The following ZSWIM8 variants were observed in gnomAD, a reference collection of about 807,000 sequenced individuals.
ZSWIM8 encodes the protein zinc finger SWIM domain-containing protein 8.
Under a neutral mutation model 173.7 loss-of-function variants are expected in ZSWIM8, and 27 were observed. That is an observed-to-expected ratio of 0.16 (90% CI 0.11 to 0.21). The LOEUF (loss-of-function observed/expected upper bound fraction) is 0.21, where lower values mean the gene tolerates loss of function less well. Ranked by LOEUF, ZSWIM8 falls within the 10% of genes least tolerant of loss-of-function variation. The pLI, the probability that ZSWIM8 is intolerant of heterozygous loss-of-function variation, is 1.00. For missense variants in ZSWIM8, 1,627 were observed against 2,428.8 expected, an observed-to-expected ratio of 0.67 and a Z score of 6.94; for synonymous variants, 958 against 962.0, an observed-to-expected ratio of 1.00 and a Z score of 0.08.
At position 73,800,700 on chromosome 10, in the gene ZSWIM8, C is replaced by G. The variant is rs774026361; in HGVS notation, c.5063C>G (p.Ser1688Cys). The change falls in exon 24 of 26, where the codon TCC becomes TGC. Residue 1688 changes from serine (S) to cysteine (C), a missense_variant. Coordinates refer to ENST00000604729, the MANE Select transcript of ZSWIM8 (RefSeq NM_001367799.1). This position sits in a 1 kb window ranked among gnomAD's most constrained non-coding sequence, Gnocchi z 4.1. ...CACAACGATCACCCCAACAACTTCT[C>G]CCGCTCCCCCCCCTACACTGATGAT... ...RAHNDHPNNF[S>C]RSPPYTDDVK... The G allele has an allele frequency of 4.3e-6, 7 of 1,613,700 alleles. No homozygotes were observed. Among genetic ancestry groups the G allele is most frequent in the African/African-American group, 1.3e-5 (1 of 74,872 alleles).
At chr10:73,793,483 G>A in intron 10 of ZSWIM8, 105 bp from the exon 11 acceptor site, 3 of 1,332,598 alleles carry the variant, frequency 2.3e-6, no homozygotes, top group South Asian at 1.5e-5. Context: ...CACAGGGCCT[G>A]GCATGTAGCA....
Position 73,792,666 on chromosome 10 carries a change from C to A in ZSWIM8, c.2127C>A (p.Gly709=). Residue 709 remains glycine, a synonymous_variant, in exon 10 of 26, where the codon GGC becomes GGA. Transcript: ENST00000604729. This position sits in a 1 kb window ranked among gnomAD's most constrained non-coding sequence, Gnocchi z 4.3. ...QDDLPSTDES[G]NGLPKTKEAA... ...ACCTCCCTTCTACAGATGAGAGTGG[C>A]AATGGGCTTCCCAAAACCAAAGAGG... 6.2e-7 allele frequency: 1 copy of A among 1,614,012 alleles called. No homozygotes were observed. The highest frequency in any genetic ancestry group is 1.1e-5 in the South Asian group (1 of 91,086).
At position 73,791,146 on chromosome 10, in the gene ZSWIM8, C is replaced by T; in HGVS notation, c.1113C>T (p.Ile371=). Residue 371 remains isoleucine (I), a synonymous_variant, in exon 8 of 26, where the codon ATC becomes ATT. Transcript: ENST00000604729. The surrounding 1 kb of genome is among the most constrained non-coding windows in gnomAD (Gnocchi z 6.0). ...GCAATGCTGCCCCCTTGTTGGAAAT[C>T]CTCACTGACCAGTGCCTCACCTATG... ...RDSNAAPLLE[I]LTDQCLTYEQ... 6.2e-7 allele frequency: 1 copy of T among 1,612,232 alleles called. No homozygotes were observed. The highest frequency in any genetic ancestry group is 2.2e-5 in the East Asian group (1 of 44,838).
At chr10:73,793,747 C>T (rs369056165) in intron 11 of ZSWIM8, 28 bp downstream of exon 11, 59 of 1,585,352 alleles carry the variant, frequency 3.7e-5, no homozygotes, top group African/African-American at 6.7e-5. Flanking sequence ...TCTACCTTCC[C>T]CTCCCCCACT....
At position 73,801,572 on chromosome 10, in the gene ZSWIM8, C is replaced by A. The variant is rs1329429787; in HGVS notation, c.*53C>A. On this transcript the variant is annotated 3_prime_UTR_variant, in exon 26 of 26. Transcript: ENST00000604729. This position sits in a 1 kb window ranked among gnomAD's most constrained non-coding sequence, Gnocchi z 4.9. ...GGACCCAGGCCTGTGGCTATGGGGG[C>A]CCCTCACACAGGGGGAGTGAAACTT... 82 of 1,593,816 alleles carry A rather than the reference C, an allele frequency of 5.1e-5. No homozygotes were observed. The highest frequency in any genetic ancestry group is 6.9e-5 in the Non-Finnish European group (81 of 1,172,190).
At position 73,793,695 on chromosome 10, in the gene ZSWIM8, C is replaced by G. The variant is rs185350783; in HGVS notation, c.2421C>G (p.Leu807=). The change falls in exon 11 of 26, where the codon CTC becomes CTG. Residue 807 remains leucine (L), a synonymous_variant. Coordinates refer to ENST00000604729, the MANE Select transcript of ZSWIM8 (RefSeq NM_001367799.1). ...AQDLLANPPD[L]KVEPPPAKGK... is the part of the protein sequence containing the mutation. ...ATCTGCTAGCCAACCCACCCGACCT[C>G]AAGGTAGAGCCGCCCCCTGCCAAGG... The G allele has an allele frequency of 6.8e-5, 109 of 1,612,928 alleles. 1 individual carries two copies. The African/African-American group carries it at 9.7e-4, about 14-fold the overall frequency.
At chr10:73,788,524 G>C in intron 1 of ZSWIM8, 146 bp from the exon 2 acceptor site, 1 of 987,646 alleles carries the variant, frequency 1.0e-6, no homozygotes, top group Non-Finnish European at 1.5e-6. Context: ...CCTGATAGGG[G>C]GATCCCTAGG....
intron 7 of ZSWIM8, 99 bp from the exon 8 acceptor site, chr10:73,790,875 CT>C: frequency 8.3e-7 from 1 of 1,207,618 alleles, no homozygotes; most frequent in Non-Finnish European, 1.2e-6. Flanking sequence ...TTACAGATGT[CT>C]TTTTCCCTCT....
chr10:73,799,911 TC>T (rs1481653161), intron 21 of ZSWIM8, 99 bp from the exon 22 acceptor site: 57 of 1,306,770 alleles, frequency 4.4e-5, no homozygotes, highest in Non-Finnish European at 5.8e-5. Context: ...AGACTCTATC[TC>T]AAAAAAAACA....
rs191084974 is a variant in ZSWIM8, at chr10:73,801,380, G to C, written c.5366G>C (p.Arg1789Pro). Reference sequence around the variant, plus strand: ...TACGACGACTTTGTGAATGCGATCCGGAGTGCCCGCAGCGCCTTCTGCCTG... The same window carrying C: ...TACGACGACTTTGTGAATGCGATCCCGAGTGCCCGCAGCGCCTTCTGCCTG... ...ADYDDFVNAI[R>P]SARSAFCLTP... Residue 1789 changes from arginine (R) to proline (P), a missense_variant, in exon 26 of 26, where the codon CGG (arginine) becomes CCG (proline). Physicochemically the swap from Arg to Pro is moderately radical, Grantham distance 103. Transcript: ENST00000604729. This position sits in a 1 kb window ranked among gnomAD's most constrained non-coding sequence, Gnocchi z 4.9. The C allele has an allele frequency of 6.2e-7, 1 of 1,613,832 alleles. No individual in the cohort carries two copies. Among genetic ancestry groups the C allele is most frequent in the Non-Finnish European group, 8.5e-7 (1 of 1,179,874 alleles).
Position 73,801,713 on chromosome 10 carries a change from A to G in ZSWIM8, c.*194A>G, listed in dbSNP as rs1199614643. ...CTAGAAGCCTAGGGCTGGGGGAGAC[A>G]GCCCTGTCTGGGAGGGGGCGTTGGG... On this transcript the variant is annotated 3_prime_UTR_variant, in exon 26 of 26. Transcript: ENST00000604729. The surrounding 1 kb of genome is among the most constrained non-coding windows in gnomAD (Gnocchi z 4.9). 2.5e-5 allele frequency: 38 copies of G among 1,532,322 alleles called. No homozygotes were observed. Among genetic ancestry groups the G allele is most frequent in the Non-Finnish European group, 3.0e-5 (34 of 1,145,354 alleles). 94.9% of individuals were successfully genotyped at this position (1,532,322 alleles called of 1,614,324 possible). A position where few individuals can be genotyped will look rare whatever the true frequency, so the allele number is the denominator to read the frequency against.
At chr10:73,788,547 G>A in intron 1 of ZSWIM8, 123 bp from the exon 2 acceptor site, 1 of 1,220,462 alleles carries the variant, frequency 8.2e-7, no homozygotes, top group Non-Finnish European at 1.1e-6. Context: ...TTTCATCCAG[G>A]TCTCTTCTTT....
chr10:73,799,678 C>G, intron 21 of ZSWIM8, 188 bp downstream of exon 21: 4 of 832,622 alleles, frequency 4.8e-6, no homozygotes, highest in Admixed American at 2.4e-5. Context: ...TGCCTGTAAT[C>G]CCAGCACTTT....
At position 73,797,008 on chromosome 10, in the gene ZSWIM8, G is replaced by A; in HGVS notation, c.3268G>A (p.Val1090Met). 6.2e-7 allele frequency: 1 copy of A among 1,610,300 alleles called. No individual in the cohort carries two copies. The highest frequency in any genetic ancestry group is 1.3e-5 in the African/African-American group (1 of 74,834). Residue 1090 changes from valine (V) to methionine (M), a missense_variant, in exon 16 of 26, where the codon GTG (valine) becomes ATG (methionine). This residue lies in a region of ZSWIM8 where 163 missense variants were observed against 193.2 expected (regional missense o/e 0.84). Coordinates refer to ENST00000604729, the MANE Select transcript of ZSWIM8 (RefSeq NM_001367799.1). This position sits in a 1 kb window ranked among gnomAD's most constrained non-coding sequence, Gnocchi z 5.6. ...GPTEGFTEKN[V>M]PESSPHSPCE... is the part of the protein sequence containing the mutation. The stretch of plus-strand genomic sequence containing the variant: ...CACTGAGGGCTTCACAGAGAAGAAT[G>A]TGCCTGGTGAGGTGGGGGCACTGGG...
Position 73,794,530 on chromosome 10 carries a change from C to A in ZSWIM8, c.2810-11C>A. 1 of 1,563,582 alleles carries A rather than the reference C, an allele frequency of 6.4e-7. No individual in the cohort carries two copies. The highest frequency in any genetic ancestry group is 1.4e-5 in the African/African-American group (1 of 73,694). ...CTTCTGTCTGCCTGACTTACCCCAA[C>A]TTTTATACAGTGGTTTCTCCCACAG... is the stretch of plus-strand genomic sequence containing the variant. On this transcript the variant is annotated splice_polypyrimidine_tract_variant and intron_variant, in intron 13 of 25. Transcript: ENST00000604729.
intron 1 of ZSWIM8, 148 bp from the exon 2 acceptor site, chr10:73,788,522 G>A: frequency 1.0e-6 from 1 of 980,678 alleles, no homozygotes; most frequent in South Asian, 1.8e-5. Flanking sequence ...ATCCTGATAG[G>A]GGGATCCCTA....
rs771473654 is a variant in ZSWIM8, at chr10:73,791,186, C to T, written c.1143+10C>T. ...CCTCACCTATGAACAGGTAATCACT[C>T]AGCGTTGGGGAGCCCCGTGGTAGCT... On this transcript the variant is annotated intron_variant, in intron 8 of 25. Transcript: ENST00000604729. The surrounding 1 kb of genome is among the most constrained non-coding windows in gnomAD (Gnocchi z 6.0). 6.3e-7 allele frequency: 1 copy of T among 1,591,994 alleles called. No individual in the cohort carries two copies.
At chr10:73,786,325 T>TGG (rs2083218932) in intron 1 of ZSWIM8, 2 of 458,130 alleles carry the variant, frequency 4.4e-6, no homozygotes, top group African/African-American at 2.0e-5. Flanking sequence ...TGTGTGTGTG[T>TGG]GGGTGTGTGT....
intron 20 of ZSWIM8, 43 bp from the exon 21 acceptor site, chr10:73,798,959 T>TAA (rs1392293173): frequency 6.4e-7 from 1 of 1,561,710 alleles, no homozygotes; most frequent in Non-Finnish European, 8.7e-7. Flanking sequence ...TTCCATGTGG[T>TAA]AAAGGCCTTT....
Sources: gnomAD v4.1 joint callset for allele counts on GRCh38, gnomAD v4.1.1 for gene constraint, gnomAD v4.1.1 regional missense constraint, Gnocchi (gnomAD v3.1) non-coding constraint, MANE v1.5 for transcripts, NCBI Gene and HGNC (gene_info 2026-07-23, HGNC 2026-07-21) for gene names.